The following SPOCK2 variants were observed in gnomAD, a reference collection of about 807,000 sequenced individuals.
SPOCK2 encodes the protein SPARC (osteonectin), cwcv and kazal like domains proteoglycan 2.
In SPOCK2, 39 loss-of-function variants were observed where a neutral mutation model predicts 60.1. The observed-to-expected ratio is 0.65, with a 90% CI of 0.50 to 0.85. SPOCK2 has a LOEUF of 0.85. SPOCK2 is among the 40% of genes least tolerant of loss of function. The pLI is 0.00. For synonymous variants in SPOCK2, 217 were observed against 231.5 expected (o/e 0.94, Z 0.57); for missense variants, 523 against 567.4 (o/e 0.92, Z 0.80).
intron 4 of SPOCK2, 57 bp from the exon 5 acceptor site, chr10:72,070,483 G>A (rs1589120456): frequency 6.5e-7 from 1 of 1,541,866 alleles, no homozygotes; most frequent in Non-Finnish European, 9.0e-7. Context: ...GAAGGAGCAG[G>A]GGAAGGGAGG....
chr10:72,073,530 G>A (rs758319159), intron 1 of SPOCK2, among the ~76,000 whole-genome samples: 2 of 152,206 alleles, frequency 1.3e-5, no homozygotes, highest in Non-Finnish European at 2.9e-5. Flanking sequence ...AACCCTCAGA[G>A]GCAGAGGACC....
intron 1 of SPOCK2, among the ~76,000 whole-genome samples, chr10:72,073,411 T>G (rs1226744592): frequency 1.3e-5 from 2 of 152,212 alleles, no homozygotes; most frequent in Non-Finnish European, 2.9e-5. Flanking sequence ...TGCAAAGGGA[T>G]GCTTTTTGCT....
chr10:72,088,841 A>C (rs1297265367), upstream of SPOCK2: 1 of 152,606 alleles, frequency 6.6e-6, no homozygotes, highest in Non-Finnish European at 1.5e-5. Flanking sequence ...GATGGGGGAG[A>C]GGGCACAAAA....
intron 1 of SPOCK2, among the ~76,000 whole-genome samples, chr10:72,083,721 G>C (rs1215513495): frequency 2.0e-5 from 3 of 152,218 alleles, no homozygotes; most frequent in African/African-American, 7.2e-5. Flanking sequence ...CAGTTAGAAG[G>C]TGGGGTGGAG....
intron 2 of SPOCK2, 72 bp from the exon 3 acceptor site, chr10:72,072,620 C>G: frequency 1.9e-6 from 3 of 1,601,536 alleles, no homozygotes; most frequent in Non-Finnish European, 2.6e-6. Context: ...ACTGCGGGGT[C>G]GAGGAGAGGC....
chr10:72,084,259 C>T (rs1840826115), intron 1 of SPOCK2, among the ~76,000 whole-genome samples: 1 of 152,214 alleles, frequency 6.6e-6, no homozygotes, highest in Non-Finnish European at 1.5e-5. Flanking sequence ...CCTGGAAGCC[C>T]TCCAGCCCCC....
intron 8 of SPOCK2, 48 bp downstream of exon 8, chr10:72,066,854 A>G: frequency 1.9e-6 from 3 of 1,604,930 alleles, no homozygotes; most frequent in Non-Finnish European, 2.6e-6. Flanking sequence ...AACTTCGGGT[A>G]GAGCCCACAC....
chr10:72,073,649 C>T lies in SPOCK2; in HGVS notation c.190-739G>A, dbSNP rs12269310. Among the ~76,000 whole-genome samples the T allele has an allele frequency of 3.8e-3, 580 of 152,314 alleles. 4 individuals carry two copies. Among genetic ancestry groups the T allele is most frequent in the African/African-American group, 0.013 (523 of 41,578 alleles). On this transcript the variant is annotated intron_variant, in intron 1 of 10. Coordinates refer to ENST00000373109, the MANE Select transcript of SPOCK2 (RefSeq NM_001244950.2). The stretch of plus-strand genomic sequence containing the variant: ...CTCCCGTCACACAACCCAGGTCTCC[C>T]GATGCCCAGCACAGACCACTTTTCT...
intron 5 of SPOCK2, chr10:72,069,228 G>A: frequency 6.5e-6 from 1 of 154,868 alleles, no homozygotes; most frequent in Non-Finnish European, 1.4e-5. Flanking sequence ...TGCAGCCTCT[G>A]CCCTGGCCTC....
chr10:72,076,280 C>T (rs930545225), intron 1 of SPOCK2, among the ~76,000 whole-genome samples: 5 of 152,274 alleles, frequency 3.3e-5, no homozygotes, highest in East Asian at 1.9e-4. Flanking sequence ...TGTGGGCTGG[C>T]GCCACCTTTA....
At chr10:72,066,831 C>G (rs1840574384) in intron 8 of SPOCK2, 71 bp downstream of exon 8, 13 of 1,581,930 alleles carry the variant, frequency 8.2e-6, no homozygotes, top group Non-Finnish European at 1.1e-5. Context: ...TCTGACTTCC[C>G]AAGAGAGCCT....
At position 72,059,488 on chromosome 10, in the gene SPOCK2, C is replaced by G. The variant is rs1589114622; in HGVS notation, c.*3272G>C. On this transcript the variant is annotated 3_prime_UTR_variant, in exon 11 of 11. Coordinates refer to ENST00000373109, the MANE Select transcript of SPOCK2 (RefSeq NM_001244950.2). ...ATGTCTGGGTCTCCTTCTGTGGTGTCTCTCCCCTGGGACTGCCGCCAGCCC... is the reference window on the plus strand; with the variant it reads ...ATGTCTGGGTCTCCTTCTGTGGTGTGTCTCCCCTGGGACTGCCGCCAGCCC... 1 of 152,412 alleles carries G rather than the reference C, an allele frequency of 6.6e-6. No individual in the cohort carries two copies. The highest frequency in any genetic ancestry group is 1.9e-4 in the East Asian group (1 of 5,178). 9.4% of individuals were successfully genotyped at this position (152,412 alleles called of 1,614,324 possible).
intron 2 of SPOCK2, 129 bp from the exon 3 acceptor site, chr10:72,072,677 ACC>A: frequency 7.1e-7 from 1 of 1,408,742 alleles, no homozygotes; most frequent in Non-Finnish European, 9.9e-7. Context: ...CTGGTGGCTG[ACC>A]CCTGTCCACC....
intron 4 of SPOCK2, among the ~76,000 whole-genome samples, chr10:72,070,829 G>A (rs1003389262): frequency 6.6e-6 from 1 of 151,802 alleles, no homozygotes; most frequent in Non-Finnish European, 1.5e-5. Flanking sequence ...AGTTATTTAT[G>A]CACTAACATT....
At chr10:72,079,676 C>G (rs1840757988) in intron 1 of SPOCK2, among the ~76,000 whole-genome samples, 1 of 152,184 alleles carries the variant, frequency 6.6e-6, no homozygotes, top group East Asian at 1.9e-4. Context: ...TTAACCCAAT[C>G]TCTCCCAGCT....
At chr10:72,083,584 C>T (rs1840816752) in intron 1 of SPOCK2, among the ~76,000 whole-genome samples, 1 of 152,204 alleles carries the variant, frequency 6.6e-6, no homozygotes, top group Non-Finnish European at 1.5e-5. Flanking sequence ...TCTCAGGCTG[C>T]TGCTAGACTG....
intron 1 of SPOCK2, among the ~76,000 whole-genome samples, chr10:72,073,263 A>G (rs3824622): frequency 0.07 from 10,713 of 152,218 alleles, 454 homozygotes; most frequent in African/African-American, 0.12. Flanking sequence ...TCTCATGCCT[A>G]TGCCCTGGGT....
intron 6 of SPOCK2, among the ~76,000 whole-genome samples, 186 bp from the exon 7 acceptor site, chr10:72,067,918 C>T (rs1054906865): frequency 6.6e-6 from 1 of 152,172 alleles, no homozygotes; most frequent in Non-Finnish European, 1.5e-5. Context: ...CCACTCCTTC[C>T]TGGCATGAAA....
intron 2 of SPOCK2, 62 bp from the exon 3 acceptor site, chr10:72,072,610 A>G: frequency 6.2e-7 from 1 of 1,609,728 alleles, no homozygotes; most frequent in Non-Finnish European, 8.5e-7. Flanking sequence ...CAGAGGTTCA[A>G]CTGCGGGGTC....
Sources: allele counts gnomAD v4.1 joint callset (sites outside exome capture counted in the v4.1 genomes callset), GRCh38; gene constraint gnomAD v4.1.1; transcripts MANE v1.5; gene names NCBI Gene and HGNC (gene_info 2026-07-23, HGNC 2026-07-21).